MAN1A2: variants seen among roughly 807,000 people sequenced by gnomAD.
MAN1A2 encodes mannosidase alpha class 1A member 2, also known as mannosyl-oligosaccharide 1,2-alpha-mannosidase IB.
A neutral mutation model predicts 75.7 loss-of-function variants in MAN1A2; 26 were observed. The ratio of observed to expected loss-of-function variants is 0.34; its 90% CI spans 0.25 to 0.48. The LOEUF (loss-of-function observed/expected upper bound fraction) is 0.48, where lower values mean the gene tolerates loss of function less well. Among genes scored for constraint, MAN1A2 ranks in the 20% least tolerant of loss-of-function variants. The pLI is 0.99. For synonymous variants in MAN1A2, 247 were observed against 264.6 expected (o/e 0.93, Z 0.65); for missense variants, 562 against 775.5 (o/e 0.72, Z 3.27).
intron 1 of MAN1A2, among the ~76,000 whole-genome samples, chr1:117,370,212 T>C (rs1269644670): frequency 6.6e-6 from 1 of 152,192 alleles, no homozygotes; most frequent in Non-Finnish European, 1.5e-5. Context: ...TCTAAAACTA[T>C]TGGGTTCCTG....
At chr1:117,520,499 T>C (rs764911089) in intron 12 of MAN1A2, among the ~76,000 whole-genome samples, 1 of 152,012 alleles carries the variant, frequency 6.6e-6, no homozygotes, top group Non-Finnish European at 1.5e-5. Flanking sequence ...TGTACACAAA[T>C]CAATAGCTCT....
At chr1:117,516,538 G>T (rs1651718525) in intron 12 of MAN1A2, among the ~76,000 whole-genome samples, 1 of 152,098 alleles carries the variant, frequency 6.6e-6, no homozygotes. Flanking sequence ...CACAATGGAT[G>T]AGTGGAACTT....
chr1:117,375,922 T>A (rs553617103), intron 1 of MAN1A2, among the ~76,000 whole-genome samples: 245 of 151,220 alleles, frequency 1.6e-3, no homozygotes, highest in Non-Finnish European at 2.8e-3. Flanking sequence ...TATGTTTTTT[T>A]TTTTTTTGAG....
At chr1:117,520,317 G>A (rs772665250) in intron 12 of MAN1A2, among the ~76,000 whole-genome samples, 1 of 152,020 alleles carries the variant, frequency 6.6e-6, no homozygotes, top group Non-Finnish European at 1.5e-5. Context: ...GGAAGTCCTA[G>A]CCAGAGCAAT....
chr1:117,491,777 A>G (rs1650889336), intron 8 of MAN1A2, among the ~76,000 whole-genome samples: 1 of 152,114 alleles, frequency 6.6e-6, no homozygotes, highest in Admixed American at 6.6e-5. Flanking sequence ...AGGTCAAAGT[A>G]TGAACATTAA....
chr1:117,455,047 G>A (rs1434346639), intron 6 of MAN1A2, among the ~76,000 whole-genome samples: 1 of 152,106 alleles, frequency 6.6e-6, no homozygotes, highest in Non-Finnish European at 1.5e-5. Context: ...GTAAACTTAG[G>A]TTGGTAGGAT....
At chr1:117,425,742 A>T (rs1410657483) in intron 5 of MAN1A2, among the ~76,000 whole-genome samples, 1 of 152,146 alleles carries the variant, frequency 6.6e-6, no homozygotes, top group South Asian at 2.1e-4. Context: ...AGCTAACAAT[A>T]TTCTTTTTAT....
At chr1:117,438,906 GAAC>G (rs1273310531) in intron 5 of MAN1A2, among the ~76,000 whole-genome samples, 1 of 152,082 alleles carries the variant, frequency 6.6e-6, no homozygotes, top group Non-Finnish European at 1.5e-5. Context: ...ATACATGATG[GAAC>G]ATACACTGTT....
At chr1:117,440,995 TTTAAA>T (rs1189955588) in intron 5 of MAN1A2, among the ~76,000 whole-genome samples, 2 of 152,310 alleles carry the variant, frequency 1.3e-5, no homozygotes, top group East Asian at 3.9e-4. Context: ...CAACTTTGAC[TTTAAA>T]TTATAATGTT....
chr1:117,458,482 G>T (rs1199146527), intron 6 of MAN1A2, among the ~76,000 whole-genome samples: 2 of 90,672 alleles, frequency 2.2e-5, no homozygotes, highest in Non-Finnish European at 4.4e-5. Context: ...TATAAGATGA[G>T]AAATATATAT....
intron 8 of MAN1A2, among the ~76,000 whole-genome samples, chr1:117,491,870 G>A (rs1414495068): frequency 1.3e-5 from 2 of 152,060 alleles, no homozygotes; most frequent in Non-Finnish European, 2.9e-5. Context: ...AACTGTAGAT[G>A]TGGTGGAAAT....
intron 8 of MAN1A2, among the ~76,000 whole-genome samples, chr1:117,489,224 T>G (rs570177799): frequency 6.6e-6 from 1 of 152,220 alleles, no homozygotes; most frequent in Admixed American, 6.5e-5. Context: ...ACATTTATAT[T>G]TGTATATTTC....
chr1:117,515,830 A>G (rs1651698745), intron 12 of MAN1A2: 1 of 152,146 alleles, frequency 6.6e-6, no homozygotes, highest in Admixed American at 6.6e-5. Flanking sequence ...GGGAATGGAA[A>G]TGAGTTTTAG....
At position 117,371,326 on chromosome 1, in the gene MAN1A2, G is replaced by A. The variant is rs545699617; in HGVS notation, c.302+2841G>A. ...ATGTATGCCTACTGTGGCAGGCCCC[G>A]CTTTCATGAAACTTTCAATCTAGGG... On this transcript the variant is annotated intron_variant, in intron 1 of 12. Transcript: ENST00000356554. 2.0e-5 allele frequency among the ~76,000 whole-genome samples: 3 copies of A among 152,250 alleles called. No individual in the cohort carries two copies. The East Asian group carries it at 5.8e-4, about 29-fold the overall frequency.
Position 117,414,820 on chromosome 1 carries a change from G to A in MAN1A2, c.763G>A (p.Asp255Asn). ...DGQRWIEDNLDFSVNSEVSVF... is the reference protein window; with the variant it reads ...DGQRWIEDNLNFSVNSEVSVF... ...GCAAAGATGGATTGAAGACAACCTT[G>A]ATTTCAGTGTGGTGAGTGTATGATT... The change falls in exon 4 of 13, where the codon GAT (aspartate) becomes AAT (asparagine). Residue 255 changes from aspartate to asparagine, a missense_variant. This residue lies in a region of MAN1A2 where 434 missense variants were observed against 645.7 expected (regional missense o/e 0.67). Coordinates refer to ENST00000356554, the MANE Select transcript of MAN1A2 (RefSeq NM_006699.5). 6.3e-7 allele frequency: 1 copy of A among 1,588,348 alleles called. No individual in the cohort carries two copies. The highest frequency in any genetic ancestry group is 8.6e-7 in the Non-Finnish European group (1 of 1,157,244).
rs1274974860 is a variant in MAN1A2 at position 117,522,938 on chromosome 1, G to T, written c.1907G>T (p.Gly636Val). Residue 636 changes from glycine (G) to valine (V), a missense_variant, in exon 13 of 13, where the codon GGT becomes GTT. Coordinates refer to ENST00000356554, the MANE Select transcript of MAN1A2 (RefSeq NM_006699.5). ...VLHLANTTLS[G>V]NPAVR is the part of the protein sequence containing the mutation. Reference sequence around the variant, plus strand: ...CATTTAGCCAACACCACACTTTCAGGTAATCCTGCTGTTCGATGAAAGCAG... The same window carrying T: ...CATTTAGCCAACACCACACTTTCAGTTAATCCTGCTGTTCGATGAAAGCAG... 5 of 1,611,396 alleles carry T rather than the reference G, an allele frequency of 3.1e-6. No homozygotes were observed. The highest frequency in any genetic ancestry group is 4.2e-6 in the Non-Finnish European group (5 of 1,178,428).
intron 5 of MAN1A2, among the ~76,000 whole-genome samples, chr1:117,424,889 C>A (rs932687921): frequency 3.3e-5 from 5 of 152,174 alleles, no homozygotes; most frequent in African/African-American, 1.2e-4. Context: ...CTTTAAGAAT[C>A]TTCTGAGCTG....
At chr1:117,504,571 A>C (rs564366500) in intron 12 of MAN1A2, among the ~76,000 whole-genome samples, 2 of 151,338 alleles carry the variant, frequency 1.3e-5, no homozygotes, top group Non-Finnish European at 3.0e-5. Context: ...TGCGAACCTT[A>C]ATATTCATAT....
At chr1:117,485,229 A>C (rs1650634937) in intron 8 of MAN1A2, among the ~76,000 whole-genome samples, 1 of 151,960 alleles carries the variant, frequency 6.6e-6, no homozygotes, top group African/African-American at 2.4e-5. Context: ...GCAGATTATG[A>C]GACAGAGGAA....
Sources: gnomAD v4.1 joint callset for allele counts (sites outside exome capture counted in the v4.1 genomes callset) on GRCh38, gnomAD v4.1.1 for gene constraint, gnomAD v4.1.1 regional missense constraint, MANE v1.5 for transcripts, NCBI Gene and HGNC (gene_info 2026-07-23, HGNC 2026-07-21) for gene names.